Variants in EYS observed in about 807,000 individuals in gnomAD.
EYS encodes protein eyes shut homolog.
EYS carries 250 observed loss-of-function variants against 282.1 expected under a neutral mutation model. The ratio of observed to expected loss-of-function variants is 0.89; its 90% CI spans 0.80 to 0.98. The LOEUF (loss-of-function observed/expected upper bound fraction) is 0.98. Among genes scored for constraint, EYS ranks in the 50% least tolerant of loss-of-function variants. The pLI, the probability that EYS is intolerant of heterozygous loss-of-function variation, is 0.00. For synonymous variants in EYS, 1,355 were observed against 1,282.9 expected, an observed-to-expected ratio of 1.06 and a Z score of -1.20; for missense variants, 4,016 against 3,709.0, an observed-to-expected ratio of 1.08 and a Z score of -2.15.
chr6:64,948,503 A>G (rs1191381289), intron 14 of EYS, among the ~76,000 whole-genome samples: 1 of 146,974 alleles, frequency 6.8e-6, no homozygotes, highest in African/African-American at 2.5e-5. Context: ...TTTAATATTA[A>G]TTATAAAAAT....
intron 12 of EYS, among the ~76,000 whole-genome samples, chr6:65,244,693 T>G (rs1391030334): frequency 1.3e-5 from 2 of 151,276 alleles, no homozygotes; most frequent in Non-Finnish European, 3.0e-5. Flanking sequence ...TTTGTATTTT[T>G]TTTTTTTTTT....
intron 32 of EYS, among the ~76,000 whole-genome samples, chr6:64,072,247 G>C (rs1361922220): frequency 1.3e-5 from 2 of 151,898 alleles, no homozygotes. Flanking sequence ...CCTATTTTAG[G>C]ATCCACTTAA....
intron 26 of EYS, among the ~76,000 whole-genome samples, chr6:64,503,499 C>T (rs759566949): frequency 9.9e-5 from 15 of 152,126 alleles, no homozygotes; most frequent in East Asian, 1.9e-4. Flanking sequence ...TGATTGTTAA[C>T]GATAATTTCT....
intron 12 of EYS, among the ~76,000 whole-genome samples, chr6:65,266,956 G>GCA (rs1400147751): frequency 4.3e-5 from 5 of 116,736 alleles, no homozygotes; most frequent in East Asian, 2.3e-4. Context: ...ATATATATAT[G>GCA]CACACACACA....
At chr6:64,893,454 A>G (rs1422307178) in intron 18 of EYS, among the ~76,000 whole-genome samples, 1 of 152,102 alleles carries the variant, frequency 6.6e-6, no homozygotes, top group African/African-American at 2.4e-5. Flanking sequence ...TGAAGTAACT[A>G]TAAAATTATT....
chr6:64,372,372 C>A (rs1408584200), intron 29 of EYS, among the ~76,000 whole-genome samples: 2 of 152,114 alleles, frequency 1.3e-5, no homozygotes, highest in Non-Finnish European at 2.9e-5. Context: ...TGCCCCCAAT[C>A]TCTTCTGATT....
chr6:64,567,060 C>A (rs1386600417), intron 26 of EYS, among the ~76,000 whole-genome samples: 1 of 152,132 alleles, frequency 6.6e-6, no homozygotes. Flanking sequence ...CAGGCATGAG[C>A]CACTCCACCC....
rs538961311 is a variant in EYS at position 63,999,422 on chromosome 6, C to T, written c.6726-239G>A. Among the ~76,000 whole-genome samples the T allele has an allele frequency of 4.9e-4, 75 of 152,284 alleles. No homozygotes were observed. The South Asian group carries it at 0.013, about 27-fold the overall frequency. On this transcript the variant is annotated intron_variant, in intron 33 of 42. Transcript: ENST00000503581. The stretch of plus-strand genomic sequence containing the variant: ...TGACTTTAAAATTGGACATGGAATG[C>T]TTTCAGAAAGTTAAACCTCCCACAA...
chr6:64,681,774 T>C (rs1323254912), intron 22 of EYS, among the ~76,000 whole-genome samples: 1 of 152,130 alleles, frequency 6.6e-6, no homozygotes, highest in Non-Finnish European at 1.5e-5. Context: ...CAGACTAGGG[T>C]CCAATCACCT....
In EYS at chr6:64,448,425, T is replaced by TG. The variant is rs1310978566; in HGVS notation, c.5645-9074dup. Reference sequence around the variant, plus strand: ...TGCCTGCCTCTGTAGGCTCCACCTCTGGGGGCAGGGCACAGACAAACAAAA... The same window carrying TG: ...TGCCTGCCTCTGTAGGCTCCACCTCTGGGGGGCAGGGCACAGACAAACAAAA... On this transcript the variant is annotated intron_variant, in intron 26 of 42. Transcript: ENST00000503581. 3.9e-5 allele frequency among the ~76,000 whole-genome samples: 6 copies of TG among 152,198 alleles called. No individual in the cohort carries two copies. The East Asian group carries it at 1.2e-3, about 29-fold the overall frequency.
intron 26 of EYS, among the ~76,000 whole-genome samples, chr6:64,557,217 TACACACACACAC>T (rs3994994): frequency 0.042 from 6,149 of 147,986 alleles, 271 homozygotes; most frequent in East Asian, 0.11. Context: ...CACACACACA[TACACACACACAC>T]ACACACACAC....
intron 5 of EYS, among the ~76,000 whole-genome samples, chr6:65,454,471 AAT>A (rs1764529015): frequency 6.6e-6 from 1 of 151,828 alleles, no homozygotes; most frequent in African/African-American, 2.4e-5. Flanking sequence ...CAACTTGGCT[AAT>A]AGTTTCCTTT....
At chr6:65,008,250 G>A (rs1015345668) in intron 13 of EYS, among the ~76,000 whole-genome samples, 5 of 152,242 alleles carry the variant, frequency 3.3e-5, no homozygotes, top group African/African-American at 7.2e-5. Context: ...TAAGGGAGGC[G>A]TTGAGGAAGC....
At chr6:65,260,889 T>A (rs1159898686) in intron 12 of EYS, among the ~76,000 whole-genome samples, 1 of 152,106 alleles carries the variant, frequency 6.6e-6, no homozygotes, top group African/African-American at 2.4e-5. Flanking sequence ...CTTTATTCTA[T>A]CAAGATGAAT....
intron 33 of EYS, among the ~76,000 whole-genome samples, chr6:64,014,024 G>C (rs930082119): frequency 4.6e-5 from 7 of 151,748 alleles, no homozygotes; most frequent in African/African-American, 1.5e-4. Context: ...AGTAGTTTTA[G>C]GGGTGTTCAC....
chr6:65,628,836 G>T (rs565926539), intron 2 of EYS, among the ~76,000 whole-genome samples: 2 of 152,352 alleles, frequency 1.3e-5, no homozygotes, highest in African/African-American at 4.8e-5. Context: ...CTTGAAGTCA[G>T]TGAGACCAAG....
intron 2 of EYS, among the ~76,000 whole-genome samples, chr6:65,529,550 T>A (rs1199740109): frequency 6.6e-6 from 1 of 152,166 alleles, no homozygotes. Flanking sequence ...GAAGCAATAA[T>A]TTCTTATATA....
intron 12 of EYS, among the ~76,000 whole-genome samples, chr6:65,154,449 T>C (rs541505830): frequency 4.0e-5 from 6 of 151,818 alleles, no homozygotes; most frequent in South Asian, 2.1e-4. Context: ...TTAAAATTAA[T>C]GCTAAAGTAG....
intron 12 of EYS, among the ~76,000 whole-genome samples, chr6:65,088,737 C>T (rs1774460307): frequency 6.6e-6 from 1 of 152,150 alleles, no homozygotes; most frequent in Admixed American, 6.5e-5. Flanking sequence ...GGGGTAACGT[C>T]TCCAGGGTGT....
Sources: gnomAD v4.1 joint callset for allele counts (sites outside exome capture counted in the v4.1 genomes callset) on GRCh38, gnomAD v4.1.1 for gene constraint, MANE v1.5 for transcripts, NCBI Gene and HGNC (gene_info 2026-07-23, HGNC 2026-07-21) for gene names.